Variants in STRN observed in about 807,000 individuals in gnomAD.
STRN encodes striatin, also known as protein phosphatase 2 regulatory subunit B'''alpha.
In STRN, 53 loss-of-function variants were observed where a neutral mutation model predicts 96.3. That is an observed-to-expected ratio of 0.55 (90% CI 0.44 to 0.69). The LOEUF (loss-of-function observed/expected upper bound fraction) is 0.69. STRN is among the 30% of genes least tolerant of loss of function. STRN has a pLI of 0.00. For missense variants in STRN, 987 were observed against 963.9 expected (o/e 1.02, Z -0.32); for synonymous variants, 428 against 355.9 (o/e 1.20, Z -2.28).
chr2:36,863,157 C>T (rs972533350), intron 12 of STRN, among the ~76,000 whole-genome samples: 1 of 152,010 alleles, frequency 6.6e-6, no homozygotes, highest in African/African-American at 2.4e-5. Context: ...CTAATGTGTG[C>T]AGAAGCTCTT....
chr2:36,908,958 G>A (rs981099420), intron 3 of STRN, among the ~76,000 whole-genome samples: 1 of 150,958 alleles, frequency 6.6e-6, no homozygotes, highest in African/African-American at 2.4e-5. Flanking sequence ...TCCAGCCTGG[G>A]CGACAGAGCA....
chr2:36,893,702 T>G (rs1266267311), intron 7 of STRN, among the ~76,000 whole-genome samples, 196 bp downstream of exon 7: 1 of 152,216 alleles, frequency 6.6e-6, no homozygotes, highest in African/African-American at 2.4e-5. Flanking sequence ...TGTTTTTTTT[T>G]CTTTTTAAAT....
At chr2:36,905,261 G>A (rs940632969) in intron 4 of STRN, among the ~76,000 whole-genome samples, 8 of 152,174 alleles carry the variant, frequency 5.3e-5, no homozygotes, top group East Asian at 3.9e-4. Flanking sequence ...GAGCTACTGC[G>A]CCTGGCCAAT....
chr2:36,865,774 C>G (rs964947283), intron 12 of STRN, among the ~76,000 whole-genome samples: 1 of 151,986 alleles, frequency 6.6e-6, no homozygotes, highest in African/African-American at 2.4e-5. Context: ...GTTGGCCAGG[C>G]TGGTCTCAAA....
rs540005400 is a variant in STRN, at chr2:36,936,445, C to A, written c.235-11237G>T. Among the ~76,000 whole-genome samples, 8 of 152,234 alleles carry A rather than the reference C, an allele frequency of 5.3e-5. No homozygotes were observed. In the East Asian group the frequency reaches 1.5e-3, roughly 29 times the overall value. On this transcript the variant is annotated intron_variant, in intron 1 of 17. Coordinates refer to ENST00000263918, the MANE Select transcript of STRN (RefSeq NM_003162.4). ...GAGAGAAATTCATGCTTATGGAACA[C>A]GATTTATATTCTGTGAAGTATTAAC... is the stretch of plus-strand genomic sequence containing the variant.
chr2:36,959,262 AT>A (rs1473365643), intron 1 of STRN, among the ~76,000 whole-genome samples: 3 of 152,200 alleles, frequency 2.0e-5, no homozygotes, highest in African/African-American at 4.8e-5. Context: ...TCTAAAAAAA[AT>A]AAATAAATAA....
chr2:36,943,261 A>G (rs1258853590), intron 1 of STRN, among the ~76,000 whole-genome samples: 1 of 152,024 alleles, frequency 6.6e-6, no homozygotes, highest in Non-Finnish European at 1.5e-5. Flanking sequence ...CCCACTCCCC[A>G]GAGGTAATCA....
intron 15 of STRN, among the ~76,000 whole-genome samples, chr2:36,854,585 C>G (rs1173764621): frequency 6.6e-6 from 1 of 152,162 alleles, no homozygotes; most frequent in Non-Finnish European, 1.5e-5. Flanking sequence ...CATATCATCA[C>G]TTTTAAAGCT....
intron 1 of STRN, among the ~76,000 whole-genome samples, chr2:36,959,849 G>T (rs1470650069): frequency 1.3e-5 from 2 of 151,956 alleles, no homozygotes; most frequent in Non-Finnish European, 2.9e-5. Flanking sequence ...TAATGCTAGG[G>T]GTCCTCATTC....
chr2:36,882,542 G>GGGCA (rs1669102509), intron 9 of STRN, among the ~76,000 whole-genome samples: 1 of 151,964 alleles, frequency 6.6e-6, no homozygotes, highest in African/African-American at 2.4e-5. Context: ...CGACGCAGTT[G>GGGCA]GATCACTTGA....
At chr2:36,957,883 T>G (rs1297914805) in intron 1 of STRN, among the ~76,000 whole-genome samples, 5 of 146,298 alleles carry the variant, frequency 3.4e-5, no homozygotes, top group African/African-American at 2.5e-5. Flanking sequence ...CCCGAGTAGC[T>G]GGGATTACAG....
chr2:36,883,113 A>T (rs1669117781), intron 9 of STRN, among the ~76,000 whole-genome samples: 1 of 152,224 alleles, frequency 6.6e-6, no homozygotes, highest in Non-Finnish European at 1.5e-5. Flanking sequence ...CATGATGTAG[A>T]ATAATGCATA....
At chr2:36,853,201 G>A (rs2717506) in intron 15 of STRN, among the ~76,000 whole-genome samples, 144,292 of 152,174 alleles carry the variant, frequency 0.95, 68,880 homozygotes, top group East Asian at 1. Context: ...ACCATGTGGA[G>A]TAAGTTCTTA....
At chr2:36,878,926 T>G (rs1242895476) in intron 9 of STRN, among the ~76,000 whole-genome samples, 1 of 151,614 alleles carries the variant, frequency 6.6e-6, no homozygotes, top group Non-Finnish European at 1.5e-5. Context: ...TTAATTTTTG[T>G]ATTTTTAGTA....
chr2:36,911,929 T>G (rs1273356194), intron 3 of STRN, among the ~76,000 whole-genome samples: 1 of 152,152 alleles, frequency 6.6e-6, no homozygotes, highest in African/African-American at 2.4e-5. Context: ...CCATTAGCAT[T>G]TTAAACCTTC....
At chr2:36,850,292 A>G (rs1473177792) in intron 16 of STRN, among the ~76,000 whole-genome samples, 1 of 152,236 alleles carries the variant, frequency 6.6e-6, no homozygotes, top group East Asian at 1.9e-4. Context: ...GCAGCTAAAC[A>G]AAGTCAGCAG....
intron 1 of STRN, among the ~76,000 whole-genome samples, chr2:36,950,784 A>G (rs1664735402): frequency 6.6e-6 from 1 of 152,174 alleles, no homozygotes; most frequent in Non-Finnish European, 1.5e-5. Flanking sequence ...GAACTTGCAT[A>G]TTTTAGCCTT....
At chr2:36,885,684 T>C (rs1045989026) in intron 8 of STRN, among the ~76,000 whole-genome samples, 15 of 152,164 alleles carry the variant, frequency 9.9e-5, no homozygotes, top group African/African-American at 3.6e-4. Flanking sequence ...TGCTTTTAAG[T>C]AATAAAGTTT....
chr2:36,917,030 C>A (rs1443826274), intron 2 of STRN, among the ~76,000 whole-genome samples: 1 of 143,182 alleles, frequency 7.0e-6, no homozygotes, highest in African/African-American at 2.6e-5. Flanking sequence ...TGAGAAACAC[C>A]CAAGAATGAT....
Sources: allele counts gnomAD v4.1 joint callset (sites outside exome capture counted in the v4.1 genomes callset), GRCh38; gene constraint gnomAD v4.1.1; transcripts MANE v1.5; gene names NCBI Gene and HGNC (gene_info 2026-07-23, HGNC 2026-07-21).